The following OSBPL3 variants were observed in gnomAD, a reference collection of about 807,000 sequenced individuals.
OSBPL3 encodes oxysterol-binding protein-related protein 3.
OSBPL3 carries 65 observed loss-of-function variants against 120.1 expected under a neutral mutation model. That is an observed-to-expected ratio of 0.54 (90% confidence interval 0.44 to 0.67). The LOEUF (loss-of-function observed/expected upper bound fraction) is 0.67, where lower values mean the gene tolerates loss of function less well. Ranked by LOEUF, OSBPL3 falls within the 30% of genes least tolerant of loss-of-function variation. The pLI is 0.00. For synonymous variants in OSBPL3, 416 were observed against 402.6 expected (o/e 1.03, Z -0.40); for missense variants, 1,004 against 1,082.1 (o/e 0.93, Z 1.01).
chr7:24,904,369 A>C (rs1807537798), intron 1 of OSBPL3, among the ~76,000 whole-genome samples: 1 of 152,246 alleles, frequency 6.6e-6, no homozygotes, highest in Non-Finnish European at 1.5e-5. Context: ...CAGGTTTCAC[A>C]TCCGTGGATT....
At chr7:24,910,130 G>C (rs955374846) in intron 1 of OSBPL3, among the ~76,000 whole-genome samples, 2 of 152,070 alleles carry the variant, frequency 1.3e-5, no homozygotes, top group African/African-American at 4.8e-5. Flanking sequence ...TCAATTTGAA[G>C]GTGTGTATTA....
intron 1 of OSBPL3, among the ~76,000 whole-genome samples, chr7:24,945,502 A>C (rs1463613304): frequency 6.6e-6 from 1 of 152,282 alleles, no homozygotes; most frequent in East Asian, 1.9e-4. Flanking sequence ...ACACAAAGTA[A>C]GCACTCACTA....
chr7:24,945,464 T>C (rs1404237138), intron 1 of OSBPL3, among the ~76,000 whole-genome samples: 2 of 152,216 alleles, frequency 1.3e-5, no homozygotes, highest in African/African-American at 4.8e-5. Context: ...AAGCTTAACA[T>C]CTCATCTAGC....
intron 16 of OSBPL3, among the ~76,000 whole-genome samples, chr7:24,828,633 A>AAAAAAAAG (rs1554349993): frequency 1.5e-5 from 2 of 134,624 alleles, no homozygotes; most frequent in African/African-American, 2.6e-5. Flanking sequence ...AAAAAAAAAA[A>AAAAAAAAG]AAAGGCATCG....
chr7:24,960,102 A>T (rs1815550497), intron 1 of OSBPL3, among the ~76,000 whole-genome samples: 1 of 152,188 alleles, frequency 6.6e-6, no homozygotes, highest in East Asian at 1.9e-4. Context: ...TCCAATGCAG[A>T]TATATGCCTC....
In OSBPL3 at chr7:24,938,639, GTTGT is replaced by G. The variant is rs139394185; in HGVS notation, c.-150+41243_-150+41246del. On this transcript the variant is annotated intron_variant, in intron 1 of 22. Transcript: ENST00000313367. This position sits in a 1 kb window ranked among gnomAD's most constrained non-coding sequence, Gnocchi z 5.8. ...CAAAAGGGTATACCTCCCAGCTGAA[GTTGT>G]TTGTTTGTTTGTTTGTTTGTTTTTA... is the stretch of plus-strand genomic sequence containing the variant. 0.086 allele frequency among the ~76,000 whole-genome samples: 13,107 copies of G among 151,998 alleles called. 703 individuals carry two copies. The highest frequency in any genetic ancestry group is 0.19 in the East Asian group (1,000 of 5,144).
intron 20 of OSBPL3, among the ~76,000 whole-genome samples, chr7:24,807,664 G>C (rs1793234119): frequency 6.6e-6 from 1 of 151,992 alleles, no homozygotes; most frequent in Non-Finnish European, 1.5e-5. Flanking sequence ...CAGAGCAAGT[G>C]GTTAATAAAT....
chr7:24,908,393 C>A (rs896125832), intron 1 of OSBPL3, among the ~76,000 whole-genome samples: 1 of 152,276 alleles, frequency 6.6e-6, no homozygotes, highest in East Asian at 1.9e-4. Flanking sequence ...ATGTGGTATT[C>A]ATTCTAAAGT....
At chr7:24,931,590 C>A (rs1490100850) in intron 1 of OSBPL3, among the ~76,000 whole-genome samples, 1 of 152,124 alleles carries the variant, frequency 6.6e-6, no homozygotes, top group African/African-American at 2.4e-5. Context: ...CCACAAAAGC[C>A]TCCAAAAGAA....
rs1813842370 is a variant in OSBPL3, at chr7:24,947,287, C to A, written c.-150+32599G>T. On this transcript the variant is annotated intron_variant, in intron 1 of 22. Transcript: ENST00000313367. This position sits in a 1 kb window ranked among gnomAD's most constrained non-coding sequence, Gnocchi z 4.4. ...GTGTGGGATGTCACTATTCACTATC[C>A]TCCTGCCAAAAATGTATTAACATAG... 6.6e-6 allele frequency among the ~76,000 whole-genome samples: 1 copy of A among 152,110 alleles called. No individual in the cohort carries two copies. The highest frequency in any genetic ancestry group is 6.5e-5 in the Admixed American group (1 of 15,276).
rs574312331 is a variant in OSBPL3 at position 24,892,553 on chromosome 7, G to T, written c.-81C>A. 1.0e-5 allele frequency: 16 copies of T among 1,549,196 alleles called. No homozygotes were observed. The African/African-American group carries it at 1.9e-4, about 18-fold the overall frequency. Reference sequence around the variant, plus strand: ...GCCGAGAGTATGGAAGTCCCCAGTGGCAGGTGGTTTAGCTCTTATCCAAAG... The same window carrying T: ...GCCGAGAGTATGGAAGTCCCCAGTGTCAGGTGGTTTAGCTCTTATCCAAAG... On this transcript the variant is annotated 5_prime_UTR_variant, in exon 2 of 23. Transcript: ENST00000313367.
intron 2 of OSBPL3, among the ~76,000 whole-genome samples, chr7:24,880,025 T>C (rs962891094): frequency 6.6e-6 from 1 of 152,192 alleles, no homozygotes; most frequent in African/African-American, 2.4e-5. Flanking sequence ...CTATTAAAGA[T>C]GAAAACATCC....
chr7:24,972,403 C>T lies in OSBPL3; in HGVS notation c.-150+7483G>A, dbSNP rs934588107. On this transcript the variant is annotated intron_variant, in intron 1 of 22. Transcript: ENST00000313367. The surrounding 1 kb of genome is among the most constrained non-coding windows in gnomAD (Gnocchi z 4.3). Reference sequence around the variant, plus strand: ...AATCACAACCTACAGAAAAATGGAACCTTTCTCTCCAGGGTCCCAATTAAA... The same window carrying T: ...AATCACAACCTACAGAAAAATGGAATCTTTCTCTCCAGGGTCCCAATTAAA... Among the ~76,000 whole-genome samples, 3 of 152,194 alleles carry T rather than the reference C, an allele frequency of 2.0e-5. No individual in the cohort carries two copies. The highest frequency in any genetic ancestry group is 2.1e-4 in the South Asian group (1 of 4,830).
chr7:24,977,110 G>A (rs889895434), intron 1 of OSBPL3, among the ~76,000 whole-genome samples: 7 of 152,278 alleles, frequency 4.6e-5, no homozygotes, highest in African/African-American at 9.6e-5. Flanking sequence ...GCTTTCCAGC[G>A]CTTTCTTTAA....
chr7:24,841,722 G>GAAA (rs1797794876), intron 13 of OSBPL3, among the ~76,000 whole-genome samples: 62 of 59,666 alleles, frequency 1.0e-3, no homozygotes, highest in African/African-American at 2.3e-3. Context: ...AAAAAAAAAA[G>GAAA]AGGCCAGGCA....
At chr7:24,901,427 A>T (rs752492614) in intron 1 of OSBPL3, among the ~76,000 whole-genome samples, 1 of 152,212 alleles carries the variant, frequency 6.6e-6, no homozygotes. Flanking sequence ...CCTGATTAAG[A>T]GCCATGATTT....
intron 1 of OSBPL3, among the ~76,000 whole-genome samples, chr7:24,910,841 G>A (rs1808718947): frequency 6.6e-6 from 1 of 152,214 alleles, no homozygotes; most frequent in African/African-American, 2.4e-5. Context: ...GGACAAAGCT[G>A]TGAGCTGGGT....
At chr7:24,927,504 G>T (rs1397127653) in intron 1 of OSBPL3, among the ~76,000 whole-genome samples, 3 of 152,162 alleles carry the variant, frequency 2.0e-5, no homozygotes, top group Admixed American at 1.3e-4. Flanking sequence ...AAATTTTGGT[G>T]ACTAAAGAAG....
In OSBPL3 at chr7:24,930,035, G is replaced by C. The variant is rs913992052; in HGVS notation, c.-149-37414C>G. Among the ~76,000 whole-genome samples the C allele has an allele frequency of 2.0e-5, 3 of 152,138 alleles. No individual in the cohort carries two copies. Among genetic ancestry groups the C allele is most frequent in the African/African-American group, 7.2e-5 (3 of 41,450 alleles). The stretch of plus-strand genomic sequence containing the variant: ...AGGTAAGGGTAAAGTAAAGGTGAAG[G>C]CATCGTTAATGATAAAGGAAGGAAA... On this transcript the variant is annotated intron_variant, in intron 1 of 22. Coordinates refer to ENST00000313367, the MANE Select transcript of OSBPL3 (RefSeq NM_015550.4). This position sits in a 1 kb window ranked among gnomAD's most constrained non-coding sequence, Gnocchi z 4.4.
Sources: gnomAD v4.1 joint callset for allele counts (sites outside exome capture counted in the v4.1 genomes callset) on GRCh38, gnomAD v4.1.1 for gene constraint, Gnocchi (gnomAD v3.1) non-coding constraint, MANE v1.5 for transcripts, NCBI Gene and HGNC (gene_info 2026-07-23, HGNC 2026-07-21) for gene names.